The following BCAS3 variants were observed in gnomAD, a reference collection of about 807,000 sequenced individuals.
BCAS3 encodes the protein BCAS3 microtubule associated cell migration factor.
Under a neutral mutation model 116.1 loss-of-function variants are expected in BCAS3, and 53 were observed. The ratio of observed to expected loss-of-function variants is 0.46; its 90% CI spans 0.37 to 0.57. The LOEUF is 0.57. Ranked by LOEUF, BCAS3 falls within the 20% of genes least tolerant of loss-of-function variation. BCAS3 has a pLI of 0.00. For synonymous variants in BCAS3, 391 were observed against 408.2 expected (o/e 0.96, Z 0.51); for missense variants, 917 against 1,165.4 (o/e 0.79, Z 3.10).
chr17:60,721,289 A>G (rs1337516737), intron 5 of BCAS3, among the ~76,000 whole-genome samples: 3 of 152,178 alleles, frequency 2.0e-5, no homozygotes, highest in African/African-American at 7.2e-5. Flanking sequence ...TGTTTGGTGC[A>G]TTCTCTTCTT....
In BCAS3 at chr17:61,196,274, C is replaced by G. The variant is rs1601847411; in HGVS notation, c.2425+111710C>G. On this transcript the variant is annotated intron_variant, in intron 22 of 23. Coordinates refer to ENST00000407086, the MANE Select transcript of BCAS3 (RefSeq NM_017679.5). This position sits in a 1 kb window ranked among gnomAD's most constrained non-coding sequence, Gnocchi z 4.7. ...AGCTCTGGATTCTGTGACATTTGCC[C>G]AAAGGGAAACACCGGTCCCTTGGAT... is the stretch of plus-strand genomic sequence containing the variant. Among the ~76,000 whole-genome samples the G allele has an allele frequency of 6.6e-6, 1 of 152,134 alleles. No homozygotes were observed. The highest frequency in any genetic ancestry group is 1.5e-5 in the Non-Finnish European group (1 of 68,018).
At position 61,208,374 on chromosome 17, in the gene BCAS3, A is replaced by G. The variant is rs569603391; in HGVS notation, c.2425+123810A>G. ...TCTGACTCAGCCTGACTTTAAATCC[A>G]TAGTTTCATTTTCTAACATTATTAA... On this transcript the variant is annotated intron_variant, in intron 22 of 23. Transcript: ENST00000407086. This position sits in a 1 kb window ranked among gnomAD's most constrained non-coding sequence, Gnocchi z 4.5. Among the ~76,000 whole-genome samples the G allele has an allele frequency of 1.3e-4, 20 of 152,318 alleles. No homozygotes were observed. In the South Asian group the frequency reaches 3.1e-3, roughly 24 times the overall value.
chr17:60,906,727 A>T (rs2058210319), intron 11 of BCAS3, among the ~76,000 whole-genome samples: 1 of 152,108 alleles, frequency 6.6e-6, no homozygotes, highest in African/African-American at 2.4e-5. Context: ...AATCAGATTG[A>T]TCTGATTTCC....
chr17:60,825,547 T>C (rs1015350860), intron 7 of BCAS3, among the ~76,000 whole-genome samples: 2 of 119,530 alleles, frequency 1.7e-5, no homozygotes, highest in East Asian at 2.0e-4. Flanking sequence ...TATAAATAAT[T>C]ATTTATAATA....
At chr17:60,997,775 T>A (rs1426768988) in intron 15 of BCAS3, among the ~76,000 whole-genome samples, 1 of 152,246 alleles carries the variant, frequency 6.6e-6, no homozygotes, top group Non-Finnish European at 1.5e-5. Flanking sequence ...AAAATAGTGT[T>A]GAATTTCATA....
chr17:60,981,333 G>A (rs1443270816), intron 14 of BCAS3, among the ~76,000 whole-genome samples: 1 of 151,692 alleles, frequency 6.6e-6, no homozygotes, highest in African/African-American at 2.4e-5. Flanking sequence ...AGGCTGGAGT[G>A]CAGTGGCATG....
At chr17:61,127,264 G>A (rs2076094569) in intron 22 of BCAS3, among the ~76,000 whole-genome samples, 1 of 152,096 alleles carries the variant, frequency 6.6e-6, no homozygotes, top group Non-Finnish European at 1.5e-5. Flanking sequence ...TCTATTCCAT[G>A]TTATCTCCAT....
At chr17:61,022,381 C>CT (rs2065936402) in intron 16 of BCAS3, among the ~76,000 whole-genome samples, 1 of 152,084 alleles carries the variant, frequency 6.6e-6, no homozygotes, top group African/African-American at 2.4e-5. Flanking sequence ...TCCCGAGTAG[C>CT]TGGAGGCGCC....
In BCAS3 at chr17:60,990,213, C is replaced by T. The variant is rs754577788; in HGVS notation, c.1464C>T (p.Ser488=). 3 of 1,614,104 alleles carry T rather than the reference C, an allele frequency of 1.9e-6. No individual in the cohort carries two copies. The highest frequency in any genetic ancestry group is 2.5e-6 in the Non-Finnish European group (3 of 1,179,990). The change falls in exon 15 of 24, where the codon AGC becomes AGT. Residue 488 remains serine, a synonymous_variant. Transcript: ENST00000407086. The surrounding 1 kb of genome is among the most constrained non-coding windows in gnomAD (Gnocchi z 5.1). ...RCSPVPGLSS[S]PSGSPLHGKL... The stretch of plus-strand genomic sequence containing the variant: ...GCCCTGTTCCAGGTCTATCAAGCAG[C>T]CCTTCTGGGTCACCCTTGCATGGTA...
intron 14 of BCAS3, among the ~76,000 whole-genome samples, chr17:60,971,539 T>G (rs1341209406): frequency 1.3e-5 from 2 of 152,166 alleles, no homozygotes; most frequent in Non-Finnish European, 2.9e-5. Flanking sequence ...CAATCAGCCT[T>G]CCAGAGTTGT....
chr17:60,843,102 A>AT (rs72215944), intron 7 of BCAS3, among the ~76,000 whole-genome samples: 4,614 of 150,594 alleles, frequency 0.031, 182 homozygotes, highest in East Asian at 0.094. Context: ...TTTATTTTTT[A>AT]TTTTTTTGTT....
intron 3 of BCAS3, 77 bp from the exon 4 acceptor site, chr17:60,689,609 A>C (rs1343825606): frequency 2.1e-5 from 23 of 1,085,018 alleles, no homozygotes; most frequent in Non-Finnish European, 3.1e-5. Context: ...TGTTGGCTTT[A>C]AGTCACTTTG....
At chr17:61,040,991 C>G in intron 19 of BCAS3, 99 bp downstream of exon 19, 1 of 956,722 alleles carries the variant, frequency 1.0e-6, no homozygotes, top group Non-Finnish European at 1.6e-6. Flanking sequence ...GGTCCATAGG[C>G]CATGGGCCTT....
chr17:60,796,937 G>A (rs933950830), intron 6 of BCAS3, among the ~76,000 whole-genome samples: 2 of 152,034 alleles, frequency 1.3e-5, no homozygotes, highest in South Asian at 2.1e-4. Flanking sequence ...ACAGAGTCGC[G>A]CTCTGTTTCC....
In BCAS3 at chr17:61,309,739, G is replaced by A. The variant is rs1192044887; in HGVS notation, c.2426-58588G>A. ...TTTGGGATTGCGGAACAGCTGCTGT[G>A]GAAAAGTAGTGGCCTGTTTATGGGT... On this transcript the variant is annotated intron_variant, in intron 22 of 23. Coordinates refer to ENST00000407086, the MANE Select transcript of BCAS3 (RefSeq NM_017679.5). This position sits in a 1 kb window ranked among gnomAD's most constrained non-coding sequence, Gnocchi z 4.6. Among the ~76,000 whole-genome samples the A allele has an allele frequency of 6.6e-6, 1 of 152,176 alleles. No homozygotes were observed. The highest frequency in any genetic ancestry group is 6.5e-5 in the Admixed American group (1 of 15,278).
intron 22 of BCAS3, among the ~76,000 whole-genome samples, chr17:61,107,673 T>C (rs1446329071): frequency 1.3e-5 from 2 of 152,234 alleles, no homozygotes; most frequent in African/African-American, 4.8e-5. Flanking sequence ...ATCCAAGTTA[T>C]TGCATGTATC....
intron 6 of BCAS3, among the ~76,000 whole-genome samples, chr17:60,769,544 G>A (rs977019283): frequency 6.6e-6 from 1 of 152,162 alleles, no homozygotes; most frequent in African/African-American, 2.4e-5. Flanking sequence ...ACCTTTGGAG[G>A]CTGGCTGTGG....
At chr17:60,841,328 A>T (rs895979599) in intron 7 of BCAS3, among the ~76,000 whole-genome samples, 10 of 152,050 alleles carry the variant, frequency 6.6e-5, no homozygotes, top group African/African-American at 1.9e-4. Context: ...CTACTGGTAT[A>T]TAATGTATTA....
chr17:61,330,077 GTCTCT>G (rs1342042498), intron 22 of BCAS3, among the ~76,000 whole-genome samples: 27 of 152,164 alleles, frequency 1.8e-4, no homozygotes, highest in African/African-American at 6.3e-4. Flanking sequence ...ATGCCCGGAG[GTCTCT>G]TCTGAGTTGA....
Sources: gnomAD v4.1 joint callset for allele counts (sites outside exome capture counted in the v4.1 genomes callset) on GRCh38, gnomAD v4.1.1 for gene constraint, Gnocchi (gnomAD v3.1) non-coding constraint, MANE v1.5 for transcripts, NCBI Gene and HGNC (gene_info 2026-07-23, HGNC 2026-07-21) for gene names.